Variants in PTPRT observed in about 807,000 individuals in gnomAD.
PTPRT encodes receptor-type tyrosine-protein phosphatase T.
PTPRT carries 56 observed loss-of-function variants against 176.8 expected under a neutral mutation model. That is an observed-to-expected ratio of 0.32 (90% CI 0.26 to 0.40). The LOEUF is 0.40. PTPRT is among the 10% of genes least tolerant of loss of function. The pLI, the probability that PTPRT is intolerant of heterozygous loss-of-function variation, is 1.00. For synonymous variants in PTPRT, 783 were observed against 739.0 expected, an observed-to-expected ratio of 1.06 and a Z score of -0.96; for missense variants, 1,540 against 1,908.2, an observed-to-expected ratio of 0.81 and a Z score of 3.60.
intron 1 of PTPRT, among the ~76,000 whole-genome samples, chr20:42,931,027 G>A (rs1318670499): frequency 6.6e-6 from 1 of 151,808 alleles, no homozygotes; most frequent in Non-Finnish European, 1.5e-5. Context: ...CCCCATCTTA[G>A]CCACCACCAC....
chr20:42,850,556 C>T (rs142226689), intron 2 of PTPRT, among the ~76,000 whole-genome samples: 14 of 152,304 alleles, frequency 9.2e-5, no homozygotes, highest in African/African-American at 1.4e-4. Flanking sequence ...CTTCTACAGG[C>T]GAGTCTTTTG....
intron 1 of PTPRT, among the ~76,000 whole-genome samples, chr20:42,917,614 T>C (rs141292924): frequency 1.9e-3 from 283 of 152,250 alleles, no homozygotes; most frequent in Non-Finnish European, 2.5e-3. Context: ...CAAAGGAAAA[T>C]CTCAGGAAAA....
intron 7 of PTPRT, among the ~76,000 whole-genome samples, chr20:42,551,945 T>G (rs2072778088): frequency 6.6e-6 from 1 of 152,184 alleles, no homozygotes; most frequent in African/African-American, 2.4e-5. Flanking sequence ...ATCTCAAACT[T>G]TCATTACCAC....
At chr20:42,987,828 G>A (rs1041975018) in intron 1 of PTPRT, among the ~76,000 whole-genome samples, 3 of 152,078 alleles carry the variant, frequency 2.0e-5, no homozygotes, top group Non-Finnish European at 2.9e-5. Flanking sequence ...CTTATGAAAC[G>A]TGTAACATCT....
chr20:42,120,004 C>G, intron 19 of PTPRT, 33 bp from the exon 20 acceptor site: 2 of 1,591,246 alleles, frequency 1.3e-6, no homozygotes, highest in Non-Finnish European at 1.7e-6. Flanking sequence ...TGTGAAGAGT[C>G]TGTTGTCAAA....
intron 2 of PTPRT, among the ~76,000 whole-genome samples, chr20:42,792,775 C>T (rs907214627): frequency 1.3e-5 from 2 of 152,194 alleles, no homozygotes; most frequent in Admixed American, 1.3e-4. Flanking sequence ...AGACTAACAG[C>T]TCCCAGTTAA....
rs545671620 is a variant in PTPRT at position 42,756,481 on chromosome 20, G to A, written c.840C>T (p.Tyr280=). ...RSDGGSGVSN[Y]AELIVKEPPT... Reference sequence around the variant, plus strand: ...ACTCACCTTTCACGATCAGCTCCGCGTAGTTGGACACACCAGACCCACCAT... The same window carrying A: ...ACTCACCTTTCACGATCAGCTCCGCATAGTTGGACACACCAGACCCACCAT... Residue 280 remains tyrosine (Y), a synonymous_variant, in exon 6 of 31, where the codon TAC becomes TAT. Transcript: ENST00000373187. The A allele has an allele frequency of 1.3e-5, 21 of 1,586,030 alleles. No individual in the cohort carries two copies. Among genetic ancestry groups the A allele is most frequent in the African/African-American group, 1.1e-4 (8 of 74,286 alleles).
chr20:42,726,171 C>T (rs2076378513), intron 6 of PTPRT, among the ~76,000 whole-genome samples: 1 of 151,674 alleles, frequency 6.6e-6, no homozygotes, highest in African/African-American at 2.4e-5. Context: ...CCTCTGCGTC[C>T]CAGGTTCAAG....
chr20:43,086,367 C>T (rs1411728540), intron 1 of PTPRT, among the ~76,000 whole-genome samples: 1 of 152,254 alleles, frequency 6.6e-6, no homozygotes, highest in Non-Finnish European at 1.5e-5. Context: ...GCCCACCCTA[C>T]ATCCTTTTAA....
intron 2 of PTPRT, among the ~76,000 whole-genome samples, chr20:42,808,455 A>C (rs959509692): frequency 2.6e-5 from 4 of 152,160 alleles, no homozygotes; most frequent in Admixed American, 2.0e-4. Context: ...GAGAAAGTCC[A>C]GGACTATGAC....
At chr20:42,850,350 T>G (rs1484121826) in intron 2 of PTPRT, among the ~76,000 whole-genome samples, 1 of 152,224 alleles carries the variant, frequency 6.6e-6, no homozygotes, top group African/African-American at 2.4e-5. Context: ...TTGATTCTTC[T>G]GAAGCCCTCC....
At chr20:43,135,976 A>G (rs2013820021) in intron 1 of PTPRT, among the ~76,000 whole-genome samples, 1 of 152,212 alleles carries the variant, frequency 6.6e-6, no homozygotes, top group African/African-American at 2.4e-5. Flanking sequence ...TTTTTAAAAT[A>G]ATCACTTGGT....
chr20:42,813,814 C>A (rs1204060596), intron 2 of PTPRT, among the ~76,000 whole-genome samples: 1 of 152,150 alleles, frequency 6.6e-6, no homozygotes, highest in Non-Finnish European at 1.5e-5. Flanking sequence ...ATATCCCATA[C>A]TCAGATTCAC....
chr20:42,129,738 G>A (rs1279234833), intron 18 of PTPRT, among the ~76,000 whole-genome samples: 1 of 152,194 alleles, frequency 6.6e-6, no homozygotes, highest in Non-Finnish European at 1.5e-5. Context: ...ATCCCCAAGG[G>A]TTTTCTGGGA....
At chr20:43,176,347 A>G (rs1391062333) in intron 1 of PTPRT, among the ~76,000 whole-genome samples, 3 of 152,262 alleles carry the variant, frequency 2.0e-5, no homozygotes, top group African/African-American at 7.2e-5. Context: ...ACCCTGAGAT[A>G]TGATTGCACA....
chr20:42,455,837 G>GT (rs1239783933), intron 8 of PTPRT, among the ~76,000 whole-genome samples: 2 of 152,090 alleles, frequency 1.3e-5, no homozygotes, highest in African/African-American at 4.8e-5. Context: ...ACAATGAGGT[G>GT]TAAGTCTTGC....
At chr20:42,980,771 A>G (rs1041370807) in intron 1 of PTPRT, among the ~76,000 whole-genome samples, 1 of 152,200 alleles carries the variant, frequency 6.6e-6, no homozygotes, top group African/African-American at 2.4e-5. Context: ...CTTTTGTTAG[A>G]GCGTCTACTT....
At chr20:42,825,309 T>C (rs1258374239) in intron 2 of PTPRT, among the ~76,000 whole-genome samples, 1 of 152,146 alleles carries the variant, frequency 6.6e-6, no homozygotes, top group Admixed American at 6.6e-5. Flanking sequence ...AGTATTACTG[T>C]ACTGAAAGAC....
intron 11 of PTPRT, among the ~76,000 whole-genome samples, chr20:42,318,478 G>A (rs563557169): frequency 6.6e-6 from 1 of 152,314 alleles, no homozygotes; most frequent in African/African-American, 2.4e-5. Flanking sequence ...GTGGGACTCT[G>A]ATCTGTGAGG....
Sources: gnomAD v4.1 joint callset for allele counts (sites outside exome capture counted in the v4.1 genomes callset) on GRCh38, gnomAD v4.1.1 for gene constraint, MANE v1.5 for transcripts, NCBI Gene and HGNC (gene_info 2026-07-23, HGNC 2026-07-21) for gene names.